The following PCDHA2 variants were observed in gnomAD, a reference collection of about 807,000 sequenced individuals.
PCDHA2 encodes the protein protocadherin alpha-2.
Under a neutral mutation model 66.0 loss-of-function variants are expected in PCDHA2, and 58 were observed. The observed-to-expected ratio is 0.88, with a 90% confidence interval of 0.71 to 1.09. The LOEUF (loss-of-function observed/expected upper bound fraction) is 1.09, where lower values mean the gene tolerates loss of function less well. PCDHA2 is among the 50% of genes least tolerant of loss of function. The pLI, the probability that PCDHA2 is intolerant of heterozygous loss-of-function variation, is 0.00. For synonymous variants in PCDHA2, 634 were observed against 554.0 expected (o/e 1.14, Z -2.03); for missense variants, 1,267 against 1,242.3 (o/e 1.02, Z -0.30).
Position 141,009,928 on chromosome 5 carries a change from T to C in PCDHA2, c.2838T>C (p.Ser946=), listed in dbSNP as rs373891102. The change falls in exon 4 of 4, where the codon AGT becomes AGC. Residue 946 remains serine (S), a synonymous_variant. Transcript: ENST00000526136. The stretch of plus-strand genomic sequence containing the variant: ...AAGGGAACAGCACGACTGACAACAG[T>C]GACCAGTGAGGTCCTCAAATGGAAA... ...KEKGNSTTDN[S]DQ is the part of the protein sequence containing the mutation. 3 of 1,607,808 alleles carry C rather than the reference T, an allele frequency of 1.9e-6. No homozygotes were observed. The highest frequency in any genetic ancestry group is 2.5e-6 in the Non-Finnish European group (3 of 1,178,138).
intron 1 of PCDHA2, chr5:140,821,702 T>A: frequency 7.0e-7 from 1 of 1,423,086 alleles, no homozygotes; most frequent in Admixed American, 2.2e-5. Context: ...AATATATAGT[T>A]AATTGGGAAT....
intron 1 of PCDHA2, chr5:140,821,624 A>G: frequency 1.1e-6 from 1 of 893,550 alleles, no homozygotes; most frequent in Non-Finnish European, 1.7e-6. Context: ...GATTTTCCTT[A>G]GACAGAAAGG....
chr5:140,920,519 C>T lies in PCDHA2; in HGVS notation c.2389-58430C>T, dbSNP rs555001599. Among the ~76,000 whole-genome samples the T allele has an allele frequency of 2.9e-4, 44 of 152,246 alleles. 2 individuals are homozygous for T. The highest frequency in any genetic ancestry group is 2.8e-4 in the Non-Finnish European group (19 of 68,008). On this transcript the variant is annotated intron_variant, in intron 1 of 3. Coordinates refer to ENST00000526136, the MANE Select transcript of PCDHA2 (RefSeq NM_018905.3). The stretch of plus-strand genomic sequence containing the variant: ...GTTCTACATACTGTTTTATGCAATT[C>T]GTTAGACTCAGGTTTTCTATTTCAC...
chr5:140,929,085 G>A, intron 1 of PCDHA2: 1 of 1,614,174 alleles, frequency 6.2e-7, no homozygotes, highest in Non-Finnish European at 8.5e-7. Flanking sequence ...GAAGTAAGAT[G>A]GTTTCAAATC....
At position 140,879,431 on chromosome 5, in the gene PCDHA2, T is replaced by G. The variant is rs78313657; in HGVS notation, c.2388+82079T>G. 2.0e-5 allele frequency among the ~76,000 whole-genome samples: 3 copies of G among 152,202 alleles called. No homozygotes were observed. In the East Asian group the frequency reaches 5.8e-4, roughly 29 times the overall value. The stretch of plus-strand genomic sequence containing the variant: ...AGCAGGTAGGGAATGGAGATGAACA[T>G]TTAAGAAAATGTTACTTTGAAGTCC... On this transcript the variant is annotated intron_variant, in intron 1 of 3. Transcript: ENST00000526136.
At chr5:140,802,915 T>G in intron 1 of PCDHA2, 1 of 1,613,742 alleles carries the variant, frequency 6.2e-7, no homozygotes, top group South Asian at 1.1e-5. Flanking sequence ...GTGGGTGGCA[T>G]CGGTGGCGCA....
chr5:140,945,425 G>T (rs246059), intron 1 of PCDHA2, among the ~76,000 whole-genome samples: 85,681 of 151,722 alleles, frequency 0.56, 24,785 homozygotes, highest in African/African-American at 0.69. Flanking sequence ...TTTCAATGAA[G>T]TTTTTACAGA....
chr5:140,849,258 G>A lies in PCDHA2; in HGVS notation c.2388+51906G>A, dbSNP rs2150433835. 190 of 1,110,896 alleles carry A rather than the reference G, an allele frequency of 1.7e-4. 6 individuals carry two copies. Among genetic ancestry groups the A allele is most frequent in the Admixed American group, 3.3e-4 (12 of 36,734 alleles). 68.8% of individuals were successfully genotyped at this position (1,110,896 alleles called of 1,614,324 possible). A position where few individuals can be genotyped will look rare whatever the true frequency, so the allele number is the denominator to read the frequency against. Reference sequence around the variant, plus strand: ...GTATACGGTGAAATTACCAGAAAACGTTTCTATCGGAACGCTGGTGATTCA... The same window carrying A: ...GTATACGGTGAAATTACCAGAAAACATTTCTATCGGAACGCTGGTGATTCA... On this transcript the variant is annotated intron_variant, in intron 1 of 3. Transcript: ENST00000526136.
At chr5:140,802,690 G>C (rs782575320) in intron 1 of PCDHA2, 1 of 1,612,966 alleles carries the variant, frequency 6.2e-7, no homozygotes, top group Non-Finnish European at 8.5e-7. Flanking sequence ...GTGGAACGGC[G>C]GGTGGGGGAG....
intron 1 of PCDHA2, chr5:140,968,844 G>A: frequency 1.2e-6 from 2 of 1,614,210 alleles, no homozygotes; most frequent in African/African-American, 1.3e-5. Context: ...GACACTCAGA[G>A]GCATGTTAAG....
rs73793533 is a variant in PCDHA2 at position 140,949,932 on chromosome 5, T to A, written c.2389-29017T>A. On this transcript the variant is annotated intron_variant, in intron 1 of 3. Transcript: ENST00000526136. Reference sequence around the variant, plus strand: ...GATATAACTATTTTTAGATTTTTTTTAATTTGCATTTTTTAGTGGTTGCTG... The same window carrying A: ...GATATAACTATTTTTAGATTTTTTTAAATTTGCATTTTTTAGTGGTTGCTG... Among the ~76,000 whole-genome samples, 1,356 of 151,758 alleles carry A rather than the reference T, an allele frequency of 8.9e-3. 15 individuals carry two copies. The highest frequency in any genetic ancestry group is 0.032 in the African/African-American group (1,309 of 41,514).
intron 1 of PCDHA2, among the ~76,000 whole-genome samples, chr5:140,911,895 T>C (rs1289494210): frequency 1.3e-5 from 2 of 152,184 alleles, no homozygotes; most frequent in East Asian, 3.8e-4. Flanking sequence ...AAAATCTGTA[T>C]TAGTCAGAGC....
chr5:140,801,138 G>A (rs1310225989), intron 1 of PCDHA2: 2 of 1,525,294 alleles, frequency 1.3e-6, no homozygotes, highest in East Asian at 2.3e-5. Flanking sequence ...TAAGGAACTC[G>A]AATTATTTTT....
rs1581152641 is a variant in PCDHA2, at chr5:140,848,515, G to A, written c.2388+51163G>A. ...TTTGAAATGTTATACTCAAGTCGAG[G>A]AGATCCAGAGGGTCAGCCTCTACTG... On this transcript the variant is annotated intron_variant, in intron 1 of 3. Coordinates refer to ENST00000526136, the MANE Select transcript of PCDHA2 (RefSeq NM_018905.3). The A allele has an allele frequency of 1.9e-6, 3 of 1,590,864 alleles. No individual in the cohort carries two copies. In the African/African-American group the frequency reaches 4.0e-5, roughly 21 times the overall value.
At chr5:141,003,053 C>T (rs1554258899) in intron 3 of PCDHA2, among the ~76,000 whole-genome samples, 3 of 152,206 alleles carry the variant, frequency 2.0e-5, no homozygotes, top group African/African-American at 7.2e-5. Flanking sequence ...CTTAACAGAA[C>T]AGTTCCAAAT....
intron 1 of PCDHA2, chr5:140,807,465 A>G (rs782581382): frequency 6.2e-7 from 1 of 1,612,204 alleles, no homozygotes; most frequent in Non-Finnish European, 8.5e-7. Flanking sequence ...ATCGACCGGG[A>G]GGAGCTGTGC....
At position 140,926,724 on chromosome 5, in the gene PCDHA2, G is replaced by C. The variant is rs376759295; in HGVS notation, c.2389-52225G>C. 1.5e-5 allele frequency: 15 copies of C among 1,034,056 alleles called. No homozygotes were observed. In the East Asian group the frequency reaches 2.4e-4, roughly 17 times the overall value. 64.1% of individuals were successfully genotyped at this position (1,034,056 alleles called of 1,614,324 possible). On this transcript the variant is annotated intron_variant, in intron 1 of 3. Transcript: ENST00000526136. ...CCAGCTGGCCAGCCCCGGCAATGCC[G>C]GCGTTCGGGAGGCGCAACGTCGGCG...
intron 1 of PCDHA2, chr5:140,836,942 A>C: frequency 2.2e-6 from 1 of 454,226 alleles, no homozygotes; most frequent in Non-Finnish European, 3.8e-6. Flanking sequence ...CTATAGATCA[A>C]AATCTATGGT....
chr5:140,835,261 T>A (rs2150232896), intron 1 of PCDHA2: 1 of 1,608,418 alleles, frequency 6.2e-7, no homozygotes, highest in Admixed American at 1.7e-5. Flanking sequence ...AAATCCAAGT[T>A]CCACATGGAC....
Sources: gnomAD v4.1 joint callset for allele counts (sites outside exome capture counted in the v4.1 genomes callset) on GRCh38, gnomAD v4.1.1 for gene constraint, MANE v1.5 for transcripts, NCBI Gene and HGNC (gene_info 2026-07-23, HGNC 2026-07-21) for gene names.